Variants in LAMC1 observed in about 807,000 individuals in gnomAD.
The protein encoded by LAMC1 is laminin subunit gamma 1.
In LAMC1, 38 loss-of-function variants were observed where a neutral mutation model predicts 173.6. That is an observed-to-expected ratio of 0.22 (90% CI 0.17 to 0.29). LAMC1 has a LOEUF of 0.29. Ranked by LOEUF, LAMC1 falls within the 10% of genes least tolerant of loss-of-function variation. LAMC1 has a pLI of 1.00. For synonymous variants in LAMC1, 746 were observed against 749.1 expected (o/e 1.00, Z 0.07); for missense variants, 1,824 against 2,051.8 (o/e 0.89, Z 2.14).
In LAMC1 at chr1:183,143,490, C is replaced by A. The variant is rs542311286; in HGVS notation, c.*700C>A. 1 of 152,532 alleles carries A rather than the reference C, an allele frequency of 6.6e-6. No individual in the cohort carries two copies. Among genetic ancestry groups the A allele is most frequent in the Non-Finnish European group, 1.5e-5 (1 of 68,024 alleles). 9.4% of individuals were successfully genotyped at this position (152,532 alleles called of 1,614,324 possible). A position where few individuals can be genotyped will look rare whatever the true frequency, so the allele number is the denominator to read the frequency against. On this transcript the variant is annotated 3_prime_UTR_variant, in exon 28 of 28. Transcript: ENST00000258341. ...ATTAATAATTGACTAGGAAGATGAA[C>A]TTTTTTTCAGATCTTTGGGCAGCTG... is the stretch of plus-strand genomic sequence containing the variant.
Position 183,110,611 on chromosome 1 carries a change from G to T in LAMC1, c.978G>T (p.Arg326=). Residue 326 remains arginine (R), a synonymous_variant, in exon 4 of 28, where the codon CGG becomes CGT. Transcript: ENST00000258341. ...CEKCLPFFND[R]PWRRATAESA... Reference sequence around the variant, plus strand: ...AGTGTCTTCCTTTCTTCAATGACCGGCCGTGGAGGAGGGCAACTGCGGAAA... The same window carrying T: ...AGTGTCTTCCTTTCTTCAATGACCGTCCGTGGAGGAGGGCAACTGCGGAAA... 2 of 1,614,012 alleles carry T rather than the reference G, an allele frequency of 1.2e-6. No individual in the cohort carries two copies. Among genetic ancestry groups the T allele is most frequent in the Non-Finnish European group, 1.7e-6 (2 of 1,179,908 alleles).
chr1:183,127,360 G>A lies in LAMC1; in HGVS notation c.3079G>A (p.Gly1027Ser). Residue 1027 changes from glycine (G) to serine (S), a missense_variant, in exon 17 of 28, where the codon GGC becomes AGC. Coordinates refer to ENST00000258341, the MANE Select transcript of LAMC1 (RefSeq NM_002293.4). ...CTATTTCTACAATCGGTCTTGGCCT[G>A]GCTGCCAGGAATGTCCAGCTTGTTA... The part of the protein sequence containing the change: ...ENYFYNRSWP[G>S]CQECPACYRL... The A allele has an allele frequency of 6.2e-7, 1 of 1,614,128 alleles. No homozygotes were observed. Among genetic ancestry groups the A allele is most frequent in the Non-Finnish European group, 8.5e-7 (1 of 1,180,008 alleles).
intron 1 of LAMC1, among the ~76,000 whole-genome samples, chr1:183,062,297 C>T (rs1654762448): frequency 1.3e-5 from 2 of 152,132 alleles, no homozygotes; most frequent in South Asian, 4.1e-4. Context: ...ATAAAAATTA[C>T]AATGTGGAAC....
At chr1:183,112,033 C>T (rs1027731376) in intron 4 of LAMC1, among the ~76,000 whole-genome samples, 2 of 152,048 alleles carry the variant, frequency 1.3e-5, no homozygotes, top group Non-Finnish European at 2.9e-5. Flanking sequence ...AGTGAGACTC[C>T]GTCTCAAAAA....
intron 1 of LAMC1, among the ~76,000 whole-genome samples, chr1:183,064,580 T>C (rs1255111701): frequency 1.3e-5 from 2 of 152,182 alleles, no homozygotes; most frequent in East Asian, 1.9e-4. Context: ...TTTTGGTGAA[T>C]CAATGAGTAA....
intron 1 of LAMC1, among the ~76,000 whole-genome samples, chr1:183,039,233 G>A (rs1654062655): frequency 7.0e-6 from 1 of 143,550 alleles, no homozygotes; most frequent in Non-Finnish European, 1.5e-5. Context: ...TTGGAGGTGG[G>A]AATAAACAAG....
intron 17 of LAMC1, among the ~76,000 whole-genome samples, chr1:183,128,340 CAGAAGT>C (rs1656676525): frequency 6.6e-6 from 1 of 151,952 alleles, no homozygotes; most frequent in Non-Finnish European, 1.5e-5. Flanking sequence ...GTCTTCTCTT[CAGAAGT>C]AGACATGCAT....
In LAMC1 at chr1:183,104,781, G is replaced by A. The variant is rs74781067; in HGVS notation, c.723+1149G>A. ...TAAGTTGCTGGGAAAGCATGAATGT[G>A]AAAGCTGTTGGTAAACTCTGAGGTT... On this transcript the variant is annotated intron_variant, in intron 2 of 27. Transcript: ENST00000258341. Among the ~76,000 whole-genome samples the A allele has an allele frequency of 1.9e-3, 294 of 152,314 alleles. 7 individuals carry two copies. In the East Asian group the frequency reaches 0.043, roughly 22 times the overall value.
intron 1 of LAMC1, among the ~76,000 whole-genome samples, chr1:183,033,419 A>G (rs528688329): frequency 5.3e-5 from 8 of 152,284 alleles, no homozygotes; most frequent in African/African-American, 1.9e-4. Flanking sequence ...TCATCGTTTG[A>G]TGTGGTAAAA....
chr1:183,095,595 G>C (rs1395558604), intron 1 of LAMC1, among the ~76,000 whole-genome samples: 1 of 152,180 alleles, frequency 6.6e-6, no homozygotes, highest in Non-Finnish European at 1.5e-5. Flanking sequence ...TCAAATCCCT[G>C]TAGTGGGATC....
At chr1:183,044,625 T>C (rs2102017846) in intron 1 of LAMC1, among the ~76,000 whole-genome samples, 1 of 152,236 alleles carries the variant, frequency 6.6e-6, no homozygotes, top group Non-Finnish European at 1.5e-5. Flanking sequence ...AAGAGCTGTG[T>C]TCACTAATCA....
chr1:183,065,861 T>A (rs1050450847), intron 1 of LAMC1, among the ~76,000 whole-genome samples: 2 of 152,236 alleles, frequency 1.3e-5, no homozygotes, highest in Non-Finnish European at 2.9e-5. Context: ...TTCAAATAAA[T>A]TCCAGCTATG....
In LAMC1 at chr1:183,140,245, C is replaced by CAAAAAAAAAAAAAAAAAAAAAAAAAAA. The variant is rs56152259; in HGVS notation, c.4474-139_4474-138insAAAAAAAAAAAAAAAAAAAAAAAAAAA. ...ATATGAAGATATGCAGCAGCCCCACCAAAAAAAAAAAAAAAAAAAAGCAAT... is the reference window on the plus strand; with the variant it reads ...ATATGAAGATATGCAGCAGCCCCACCAAAAAAAAAAAAAAAAAAAAAAAAAAAAAAAAAAAAAAAAAAAAAAAGCAAT... On this transcript the variant is annotated intron_variant, in intron 26 of 27. Coordinates refer to ENST00000258341, the MANE Select transcript of LAMC1 (RefSeq NM_002293.4). Among the ~76,000 whole-genome samples, 6 of 52,936 alleles carry CAAAAAAAAAAAAAAAAAAAAAAAAAAA rather than the reference C, an allele frequency of 1.1e-4. 2 individuals carry two copies. The highest frequency in any genetic ancestry group is 2.8e-4 in the African/African-American group (4 of 14,136). The allele number at this position is 52,936 out of a possible 152,430, so 34.7% of individuals were successfully genotyped here. A position where few individuals can be genotyped will look rare whatever the true frequency, so the allele number is the denominator to read the frequency against.
At position 183,135,123 on chromosome 1, in the gene LAMC1, C is replaced by T; in HGVS notation, c.4081C>T (p.Gln1361Ter). The change falls in exon 24 of 28, where the codon CAA (glutamine) becomes TAA (stop). Residue 1361 changes from glutamine to a stop codon, truncating the protein, a stop_gained. Transcript: ENST00000258341. LOFTEE classifies it high-confidence loss of function. ...EAAKKGRDTL[Q>*]EANDILNNLK... is the part of the protein sequence containing the mutation. The stretch of plus-strand genomic sequence containing the variant: ...TGCAAAGAAGGGACGGGATACCTTA[C>T]AAGAAGCTAATGACATTCTCAACAA... The T allele has an allele frequency of 6.2e-7, 1 of 1,613,712 alleles. No individual in the cohort carries two copies. Among genetic ancestry groups the T allele is most frequent in the Non-Finnish European group, 8.5e-7 (1 of 1,179,634 alleles).
chr1:183,052,578 G>A (rs1245038821), intron 1 of LAMC1, among the ~76,000 whole-genome samples: 2 of 151,966 alleles, frequency 1.3e-5, no homozygotes, highest in South Asian at 2.1e-4. Context: ...CAGGTAATCC[G>A]CCTGCCTCAG....
intron 1 of LAMC1, among the ~76,000 whole-genome samples, chr1:183,036,966 G>C (rs1490767259): frequency 6.6e-6 from 1 of 151,926 alleles, no homozygotes; most frequent in African/African-American, 2.4e-5. Flanking sequence ...AGTAGAGATG[G>C]GGTTTTGCCA....
intron 1 of LAMC1, among the ~76,000 whole-genome samples, chr1:183,077,436 T>C (rs904015273): frequency 1.3e-5 from 2 of 152,106 alleles, no homozygotes; most frequent in African/African-American, 4.8e-5. Context: ...CCATAGGTTA[T>C]TGGGGTACAG....
intron 1 of LAMC1, among the ~76,000 whole-genome samples, chr1:183,069,656 G>T (rs1247012984): frequency 6.6e-6 from 1 of 152,210 alleles, no homozygotes; most frequent in African/African-American, 2.4e-5. Flanking sequence ...GAAATGTAAT[G>T]CAGTCAGTCC....
At position 183,127,315 on chromosome 1, in the gene LAMC1, T is replaced by C; in HGVS notation, c.3034T>C (p.Cys1012Arg). ...CAGAGAAGGCTTTGTGGGAAATCGCTGTGACCAGTGTGAAGAAAACTATTT... is the reference window on the plus strand; with the variant it reads ...CAGAGAAGGCTTTGTGGGAAATCGCCGTGACCAGTGTGAAGAAAACTATTT... ...ECREGFVGNR[C>R]DQCEENYFYN... Residue 1012 changes from cysteine (C) to arginine (R), a missense_variant, in exon 17 of 28, where the codon TGT becomes CGT. Cys to Arg is a radical substitution (Grantham distance 180, BLOSUM62 -3). Transcript: ENST00000258341. The C allele has an allele frequency of 6.2e-7, 1 of 1,614,196 alleles. No homozygotes were observed. Among genetic ancestry groups the C allele is most frequent in the Non-Finnish European group, 8.5e-7 (1 of 1,180,014 alleles).
Sources: gnomAD v4.1 joint callset for allele counts (sites outside exome capture counted in the v4.1 genomes callset) on GRCh38, gnomAD v4.1.1 for gene constraint, MANE v1.5 for transcripts, NCBI Gene and HGNC (gene_info 2026-07-23, HGNC 2026-07-21) for gene names.